The following ATP10A variants were observed in gnomAD, a reference collection of about 807,000 sequenced individuals.
ATP10A encodes the protein phospholipid-transporting ATPase VA.
A neutral mutation model predicts 147.8 loss-of-function variants in ATP10A; 111 were observed. The observed-to-expected ratio is 0.75, with a 90% CI of 0.64 to 0.88. The LOEUF is 0.88. Ranked by LOEUF, ATP10A falls within the 40% of genes least tolerant of loss-of-function variation. ATP10A has a pLI of 0.00. For missense variants in ATP10A, 1,927 were observed against 1,959.0 expected (o/e 0.98, Z 0.31); for synonymous variants, 875 against 841.6 (o/e 1.04, Z -0.69).
rs183905761 is a variant in ATP10A at position 25,762,433 on chromosome 15, C to T, written c.654+18586G>A. On this transcript the variant is annotated intron_variant, in intron 2 of 20. Transcript: ENST00000555815. ...GTGGGACTACAGGAATGCACCACCACGCCCGGCAAATTCGAAAGAAAAATG... is the reference window on the plus strand; with the variant it reads ...GTGGGACTACAGGAATGCACCACCATGCCCGGCAAATTCGAAAGAAAAATG... 1.4e-3 allele frequency among the ~76,000 whole-genome samples: 213 copies of T among 152,218 alleles called. 1 individual carries two copies. Among genetic ancestry groups the T allele is most frequent in the Non-Finnish European group, 2.3e-3 (158 of 68,020 alleles).
chr15:25,711,819 G>C (rs796319298), intron 10 of ATP10A, among the ~76,000 whole-genome samples: 9 of 152,202 alleles, frequency 5.9e-5, no homozygotes, highest in African/African-American at 2.2e-4. Flanking sequence ...CCAGGTCTGA[G>C]AGGCTCCCCG....
At chr15:25,794,751 C>T (rs1890588964) in intron 1 of ATP10A, among the ~76,000 whole-genome samples, 1 of 152,216 alleles carries the variant, frequency 6.6e-6, no homozygotes, top group Non-Finnish European at 1.5e-5. Context: ...TAACTACAAA[C>T]TGAGTTTTCC....
rs58233959 is a variant in ATP10A, at chr15:25,857,317, T to A, written c.449+5331A>T. On this transcript the variant is annotated intron_variant, in intron 1 of 20. Coordinates refer to ENST00000555815, the MANE Select transcript of ATP10A (RefSeq NM_024490.4). ...GAAAAATTAGCCAGGTGTGGTGGCG[T>A]GCACCCGTGGTCCCAGCTACTCAGG... Among the ~76,000 whole-genome samples the A allele has an allele frequency of 7.8e-3, 1,189 of 152,180 alleles. 17 individuals are homozygous for A. The highest frequency in any genetic ancestry group is 0.028 in the African/African-American group (1,146 of 41,502).
intron 1 of ATP10A, among the ~76,000 whole-genome samples, chr15:25,843,096 C>A (rs1892875700): frequency 6.6e-6 from 1 of 152,156 alleles, no homozygotes; most frequent in Non-Finnish European, 1.5e-5. Context: ...GAGTGGCTGC[C>A]AGGAGGTGCC....
chr15:25,678,344 G>C (rs1465916360), downstream of ATP10A: 1 of 152,064 alleles, frequency 6.6e-6, no homozygotes, highest in East Asian at 1.9e-4. Flanking sequence ...TCACAGTCCC[G>C]GTGCCGAGCA....
chr15:25,856,220 A>G (rs1004091251), intron 1 of ATP10A, among the ~76,000 whole-genome samples: 1 of 152,192 alleles, frequency 6.6e-6, no homozygotes, highest in Non-Finnish European at 1.5e-5. Flanking sequence ...TAACTGAATC[A>G]TGGAGGCGGT....
At chr15:25,787,169 G>T (rs899969478) in intron 1 of ATP10A, among the ~76,000 whole-genome samples, 1 of 152,010 alleles carries the variant, frequency 6.6e-6, no homozygotes, top group African/African-American at 2.4e-5. Context: ...AGAGAGATTT[G>T]GTTTTGAAAG....
At chr15:25,702,253 C>T (rs989734601) in intron 12 of ATP10A, among the ~76,000 whole-genome samples, 153 bp from the exon 13 acceptor site, 1 of 152,230 alleles carries the variant, frequency 6.6e-6, no homozygotes, top group Admixed American at 6.5e-5. Flanking sequence ...TGCCAGTTGT[C>T]TGCCATGTAG....
At chr15:25,694,738 C>A in intron 14 of ATP10A, 81 bp downstream of exon 14, 1 of 1,247,624 alleles carries the variant, frequency 8.0e-7, no homozygotes, top group East Asian at 2.4e-5. Context: ...AGTGTTTTCC[C>A]ATCTCGTGGT....
chr15:25,744,013 C>G (rs1887704950), intron 2 of ATP10A, among the ~76,000 whole-genome samples: 1 of 152,010 alleles, frequency 6.6e-6, no homozygotes. Flanking sequence ...TTCGGGGGAC[C>G]ACTATTCTGT....
At chr15:25,676,940 G>A (rs755350947), downstream of ATP10A, among the ~76,000 whole-genome samples, 1 of 152,108 alleles carries the variant, frequency 6.6e-6, no homozygotes, top group Non-Finnish European at 1.5e-5. Flanking sequence ...TGCCTTCAGT[G>A]TTTCAGGATT....
intron 1 of ATP10A, among the ~76,000 whole-genome samples, chr15:25,816,218 G>T (rs2140832754): frequency 9.7e-6 from 1 of 103,170 alleles, no homozygotes; most frequent in South Asian, 3.6e-4. Context: ...TGCTTCTCTG[G>T]GTTTTGTTTT....
chr15:25,709,407 C>T (rs1287033483), intron 10 of ATP10A: 2 of 152,186 alleles, frequency 1.3e-5, no homozygotes, highest in African/African-American at 2.4e-5. Context: ...CGAGCAAAGC[C>T]GTGCCTAACT....
intron 1 of ATP10A, among the ~76,000 whole-genome samples, chr15:25,819,351 T>G (rs1391341123): frequency 1.3e-5 from 2 of 152,142 alleles, no homozygotes; most frequent in African/African-American, 4.8e-5. Context: ...ATCAAAGAGA[T>G]GCAAATTGAA....
chr15:25,689,277 G>A (rs542472383), intron 15 of ATP10A, among the ~76,000 whole-genome samples: 2 of 152,320 alleles, frequency 1.3e-5, no homozygotes, highest in South Asian at 2.1e-4. Context: ...GAGATGTTGG[G>A]GTCACCTTGT....
chr15:25,701,173 G>C (rs1338996138), intron 13 of ATP10A, among the ~76,000 whole-genome samples: 1 of 152,198 alleles, frequency 6.6e-6, no homozygotes, highest in Non-Finnish European at 1.5e-5. Flanking sequence ...AGGTCCTAGA[G>C]GCCAGGAGAT....
chr15:25,811,858 G>A (rs1442736974), intron 1 of ATP10A, among the ~76,000 whole-genome samples: 2 of 152,174 alleles, frequency 1.3e-5, no homozygotes, highest in African/African-American at 2.4e-5. Context: ...GGCTGCACCT[G>A]CATGGACTGC....
chr15:25,837,461 G>C (rs867824377), intron 1 of ATP10A, among the ~76,000 whole-genome samples: 1 of 152,166 alleles, frequency 6.6e-6, no homozygotes, highest in Non-Finnish European at 1.5e-5. Context: ...TCAAACACAC[G>C]GACAGAGTAG....
intron 1 of ATP10A, among the ~76,000 whole-genome samples, chr15:25,806,799 T>C (rs1253332887): frequency 6.6e-6 from 1 of 152,246 alleles, no homozygotes; most frequent in Non-Finnish European, 1.5e-5. Context: ...TTTTCGGCTG[T>C]GCAGGGAGTT....
Sources: gnomAD v4.1 joint callset for allele counts (sites outside exome capture counted in the v4.1 genomes callset) on GRCh38, gnomAD v4.1.1 for gene constraint, MANE v1.5 for transcripts, NCBI Gene and HGNC (gene_info 2026-07-23, HGNC 2026-07-21) for gene names.